Variants in ELOVL7 observed in about 807,000 individuals in gnomAD.
ELOVL7 encodes the protein very long chain fatty acid elongase 7.
Under a neutral mutation model 35.7 loss-of-function variants are expected in ELOVL7, and 27 were observed. The ratio of observed to expected loss-of-function variants is 0.76; its 90% CI spans 0.56 to 1.04. ELOVL7 has a LOEUF of 1.04. ELOVL7 is among the 50% of genes least tolerant of loss of function. The pLI, the probability that ELOVL7 is intolerant of heterozygous loss-of-function variation, is 0.00. For missense variants in ELOVL7, 327 were observed against 340.8 expected, an observed-to-expected ratio of 0.96 and a Z score of 0.32; for synonymous variants, 113 against 114.6, an observed-to-expected ratio of 0.99 and a Z score of 0.09.
In ELOVL7 at chr5:60,808,965, G is replaced by A. The variant is rs951560167; in HGVS notation, c.-85-9735C>T. ...GAAGTTGCTGGGGTTGGAGGATGGAGGGGAGTTCATTACAAAGTGCAGCAC... is the reference window on the plus strand; with the variant it reads ...GAAGTTGCTGGGGTTGGAGGATGGAAGGGAGTTCATTACAAAGTGCAGCAC... On this transcript the variant is annotated intron_variant, in intron 1 of 8. Transcript: ENST00000508821. Among the ~76,000 whole-genome samples, 92 of 152,324 alleles carry A rather than the reference G, an allele frequency of 6.0e-4. 2 individuals are homozygous for A. The highest frequency in any genetic ancestry group is 2.2e-3 in the African/African-American group (91 of 41,580).
intron 1 of ELOVL7, among the ~76,000 whole-genome samples, chr5:60,804,787 C>G (rs1000132835): frequency 6.6e-6 from 1 of 152,204 alleles, no homozygotes; most frequent in Non-Finnish European, 1.5e-5. Context: ...AGGCCTTCTT[C>G]CCCACTTTTT....
At chr5:60,768,826 T>A in intron 4 of ELOVL7, 1 of 330,020 alleles carries the variant, frequency 3.0e-6, no homozygotes, top group South Asian at 2.6e-5. Flanking sequence ...TCTCTCTCAG[T>A]ATAATGGTTA....
chr5:60,760,536 T>TTA (rs1741843135), intron 7 of ELOVL7, among the ~76,000 whole-genome samples: 1 of 152,236 alleles, frequency 6.6e-6, no homozygotes, highest in Admixed American at 6.5e-5. Context: ...ATTCTGGATA[T>TTA]TAGCCCTTTG....
At chr5:60,813,533 C>T (rs1745352754) in intron 1 of ELOVL7, among the ~76,000 whole-genome samples, 1 of 152,186 alleles carries the variant, frequency 6.6e-6, no homozygotes, top group Admixed American at 6.5e-5. Context: ...ACACTCCCTA[C>T]TGCCCTCCAA....
chr5:60,763,280 C>T (rs1742033453), intron 7 of ELOVL7, among the ~76,000 whole-genome samples: 1 of 152,180 alleles, frequency 6.6e-6, no homozygotes, highest in East Asian at 1.9e-4. Flanking sequence ...GTTCTGGCAT[C>T]CCCTTCCTGA....
At chr5:60,835,362 T>A (rs1003817857) in intron 1 of ELOVL7, among the ~76,000 whole-genome samples, 5 of 151,886 alleles carry the variant, frequency 3.3e-5, no homozygotes, top group African/African-American at 1.2e-4. Context: ...CTACACACAC[T>A]TTTAAGGCAA....
chr5:60,821,079 C>A (rs1043650101), intron 1 of ELOVL7, among the ~76,000 whole-genome samples: 5 of 152,190 alleles, frequency 3.3e-5, no homozygotes, highest in Non-Finnish European at 5.9e-5. Flanking sequence ...GCCAAGATTA[C>A]TGAAATCACC....
At chr5:60,764,601 A>AAAGT (rs1210508985) in intron 6 of ELOVL7, among the ~76,000 whole-genome samples, 1 of 152,122 alleles carries the variant, frequency 6.6e-6, no homozygotes, top group African/African-American at 2.4e-5. Flanking sequence ...TCAAAGATAT[A>AAAGT]AAGTAAGGAA....
chr5:60,764,990 A>C (rs530347111), intron 6 of ELOVL7, among the ~76,000 whole-genome samples: 1 of 152,324 alleles, frequency 6.6e-6, no homozygotes, highest in South Asian at 2.1e-4. Context: ...AATTTTCAAA[A>C]AATATTCCAA....
chr5:60,824,512 G>C (rs1462160231), intron 1 of ELOVL7, among the ~76,000 whole-genome samples: 3 of 152,214 alleles, frequency 2.0e-5, no homozygotes, highest in Non-Finnish European at 4.4e-5. Flanking sequence ...TTTTCCTATG[G>C]AAGTGAAAAA....
intron 1 of ELOVL7, among the ~76,000 whole-genome samples, chr5:60,816,313 G>A (rs951817321): frequency 6.6e-5 from 10 of 151,782 alleles, no homozygotes; most frequent in Admixed American, 2.0e-4. Flanking sequence ...CAGAGGAGGC[G>A]GAAGTTGCAG....
At chr5:60,801,679 G>A (rs1207636446) in intron 1 of ELOVL7, among the ~76,000 whole-genome samples, 3 of 151,890 alleles carry the variant, frequency 2.0e-5, no homozygotes, top group Non-Finnish European at 4.4e-5. Flanking sequence ...CTCCAGCCTG[G>A]GTGACAGAAC....
intron 1 of ELOVL7, among the ~76,000 whole-genome samples, chr5:60,834,891 T>C (rs1445951669): frequency 6.6e-6 from 1 of 151,846 alleles, no homozygotes; most frequent in African/African-American, 2.4e-5. Context: ...TTCTCCAATT[T>C]TCCAAAGTAG....
chr5:60,762,752 G>T (rs1264230231), intron 7 of ELOVL7, among the ~76,000 whole-genome samples: 1 of 152,134 alleles, frequency 6.6e-6, no homozygotes, highest in South Asian at 2.1e-4. Context: ...TAGGAGTCAA[G>T]ACGCTTAACA....
chr5:60,806,567 G>A (rs956693447), intron 1 of ELOVL7, among the ~76,000 whole-genome samples: 1 of 151,912 alleles, frequency 6.6e-6, no homozygotes, highest in Non-Finnish European at 1.5e-5. Context: ...AAGCTGCCTG[G>A]TAGGAGCTTC....
intron 1 of ELOVL7, among the ~76,000 whole-genome samples, chr5:60,820,911 G>A (rs1745844657): frequency 6.6e-6 from 1 of 152,106 alleles, no homozygotes; most frequent in Admixed American, 6.5e-5. Context: ...GAACTAATAA[G>A]TTTGTCTACT....
intron 1 of ELOVL7, among the ~76,000 whole-genome samples, chr5:60,842,113 G>T (rs1392273120): frequency 1.3e-5 from 2 of 152,174 alleles, no homozygotes; most frequent in African/African-American, 4.8e-5. Context: ...TTTGTGCAAA[G>T]CAAACATAAA....
chr5:60,761,993 T>C (rs1741944905), intron 7 of ELOVL7, among the ~76,000 whole-genome samples: 1 of 152,116 alleles, frequency 6.6e-6, no homozygotes, highest in African/African-American at 2.4e-5. Context: ...AATCATATTA[T>C]GGCTAGGGGT....
chr5:60,760,120 G>C (rs1350054372), intron 7 of ELOVL7, among the ~76,000 whole-genome samples: 1 of 152,170 alleles, frequency 6.6e-6, no homozygotes, highest in Non-Finnish European at 1.5e-5. Flanking sequence ...TGTCTTTATA[G>C]CAGCATGATT....
Sources: allele counts gnomAD v4.1 joint callset (sites outside exome capture counted in the v4.1 genomes callset), GRCh38; gene constraint gnomAD v4.1.1; transcripts MANE v1.5; gene names NCBI Gene and HGNC (gene_info 2026-07-23, HGNC 2026-07-21).